CSMD1: variants seen among roughly 807,000 people sequenced by gnomAD.
CSMD1 encodes the protein CUB and sushi domain-containing protein 1.
Under a neutral mutation model 417.5 loss-of-function variants are expected in CSMD1, and 213 were observed. The observed-to-expected ratio is 0.51, with a 90% CI of 0.46 to 0.57. The LOEUF (loss-of-function observed/expected upper bound fraction) is 0.57, where lower values mean the gene tolerates loss of function less well. Ranked by LOEUF, CSMD1 falls within the 20% of genes least tolerant of loss-of-function variation. The pLI is 0.00. For synonymous variants in CSMD1, 2,862 were observed against 1,736.8 expected (o/e 1.65, Z -16.11); for missense variants, 6,923 against 4,529.7 (o/e 1.53, Z -15.17).
intron 26 of CSMD1, among the ~76,000 whole-genome samples, chr8:3,233,054 T>C (rs76158451): frequency 0.064 from 9,707 of 152,022 alleles, 417 homozygotes; most frequent in Non-Finnish European, 0.091. Context: ...TTTTCATACA[T>C]ACTTATCAAT....
In CSMD1 at chr8:3,998,129, A is replaced by G. The variant is rs923388381; in HGVS notation, c.611-19T>C. 2 of 1,545,540 alleles carry G rather than the reference A, an allele frequency of 1.3e-6. No homozygotes were observed. Among genetic ancestry groups the G allele is most frequent in the Admixed American group, 2.0e-5 (1 of 51,188 alleles). On this transcript the variant is annotated intron_variant, in intron 4 of 69. Transcript: ENST00000635120. Reference sequence around the variant, plus strand: ...CCCTCAGCTGCAGGGGCAAAAGCAGAAAGAAAGCATCACATTTCAGGATGG... The same window carrying G: ...CCCTCAGCTGCAGGGGCAAAAGCAGGAAGAAAGCATCACATTTCAGGATGG...
At position 3,741,592 on chromosome 8, in the gene CSMD1, A is replaced by G. The variant is rs560169067; in HGVS notation, c.931+12338T>C. 7.2e-5 allele frequency among the ~76,000 whole-genome samples: 11 copies of G among 152,360 alleles called. 1 individual carries two copies. In the South Asian group the frequency reaches 2.1e-3, roughly 29 times the overall value. ...TTGACTTCAAGATTAACTGTTTGTT[A>G]GAACCTGAATTATTCAGTGCAAATA... On this transcript the variant is annotated intron_variant, in intron 6 of 69. Coordinates refer to ENST00000635120, the MANE Select transcript of CSMD1 (RefSeq NM_033225.6).
intron 26 of CSMD1, among the ~76,000 whole-genome samples, chr8:3,243,442 T>G (rs1563179045): frequency 7.4e-6 from 1 of 135,564 alleles, no homozygotes; most frequent in Admixed American, 8.1e-5. Context: ...AGACTTTGAG[T>G]AGGTAAAGGA....
intron 10 of CSMD1, among the ~76,000 whole-genome samples, chr8:3,550,150 A>T (rs989833681): frequency 1.3e-5 from 2 of 152,160 alleles, no homozygotes; most frequent in Admixed American, 1.3e-4. Context: ...TGGCCTCAAA[A>T]TCTAGGAGCC....
chr8:4,232,268 G>C (rs1275234138), intron 3 of CSMD1, among the ~76,000 whole-genome samples: 1 of 152,142 alleles, frequency 6.6e-6, no homozygotes, highest in African/African-American at 2.4e-5. Context: ...GCACGATCTT[G>C]GCTCACTGCA....
chr8:4,623,010 G>C (rs1310432622), intron 2 of CSMD1, among the ~76,000 whole-genome samples: 7 of 152,034 alleles, frequency 4.6e-5, no homozygotes, highest in African/African-American at 1.7e-4. Context: ...ACATAAATTA[G>C]ACTTTTTTAA....
intron 3 of CSMD1, among the ~76,000 whole-genome samples, chr8:4,203,232 C>G (rs1207858311): frequency 6.6e-6 from 1 of 152,152 alleles, no homozygotes; most frequent in Non-Finnish European, 1.5e-5. Context: ...AAGAAGGCCA[C>G]AAGCTCAGGA....
intron 3 of CSMD1, among the ~76,000 whole-genome samples, chr8:4,126,876 C>T (rs1164882767): frequency 2.6e-5 from 4 of 152,130 alleles, no homozygotes; most frequent in Admixed American, 6.5e-5. Flanking sequence ...AGGACCACAG[C>T]ATCTGTCTCC....
At chr8:4,370,183 A>G (rs548470202) in intron 3 of CSMD1, among the ~76,000 whole-genome samples, 22 of 152,140 alleles carry the variant, frequency 1.4e-4, no homozygotes, top group African/African-American at 5.3e-4. Context: ...AAAGAATTTC[A>G]TTTCTCCTTT....
At chr8:4,754,631 C>T (rs1184881124) in intron 1 of CSMD1, among the ~76,000 whole-genome samples, 1 of 151,496 alleles carries the variant, frequency 6.6e-6, no homozygotes, top group Non-Finnish European at 1.5e-5. Context: ...GTGGGTGGAT[C>T]ATGAGGTCAG....
intron 26 of CSMD1, among the ~76,000 whole-genome samples, chr8:3,264,864 G>GTA (rs5888956): frequency 3.0e-4 from 20 of 66,912 alleles, no homozygotes; most frequent in Admixed American, 2.9e-3. Flanking sequence ...CTGTGTGTGG[G>GTA]TGTGTGTGGC....
chr8:2,937,454 A>AAAAAAAAC lies in CSMD1; in HGVS notation c.*1130_*1131insGTTTTTTT, dbSNP rs1801564474. The AAAAAAAAC allele has an allele frequency of 1.4e-4, 10 of 69,740 alleles. No individual in the cohort carries two copies. The highest frequency in any genetic ancestry group is 1.9e-4 in the Non-Finnish European group (7 of 36,156). 4.3% of individuals were successfully genotyped at this position (69,740 alleles called of 1,614,324 possible). On this transcript the variant is annotated 3_prime_UTR_variant, in exon 70 of 70. Coordinates refer to ENST00000635120, the MANE Select transcript of CSMD1 (RefSeq NM_033225.6). ...GTAAAAGACAAAAAAAAAAAAAAACAAAAAAAAAACACTGCAAAAGGGAAG... is the reference window on the plus strand; with the variant it reads ...GTAAAAGACAAAAAAAAAAAAAAACAAAAAAAACAAAAAAAAACACTGCAAAAGGGAAG...
intron 1 of CSMD1, among the ~76,000 whole-genome samples, chr8:4,963,567 G>A (rs190010314): frequency 2.7e-4 from 41 of 152,036 alleles, no homozygotes; most frequent in Non-Finnish European, 2.9e-4. Context: ...CTTTCCTATT[G>A]GTCTTTGTGT....
chr8:3,974,573 G>A (rs1047735234), intron 5 of CSMD1, among the ~76,000 whole-genome samples: 2 of 151,926 alleles, frequency 1.3e-5, no homozygotes, highest in Admixed American at 6.6e-5. Flanking sequence ...TTCAGAACTA[G>A]TGGCAATCCT....
intron 12 of CSMD1, among the ~76,000 whole-genome samples, chr8:3,417,191 A>G (rs532048553): frequency 6.6e-6 from 1 of 152,342 alleles, no homozygotes; most frequent in South Asian, 2.1e-4. Flanking sequence ...TCTTCAAGTT[A>G]TCACAAAATA....
At chr8:4,165,984 A>C (rs746655684) in intron 3 of CSMD1, among the ~76,000 whole-genome samples, 18 of 152,176 alleles carry the variant, frequency 1.2e-4, no homozygotes, top group Admixed American at 5.9e-4. Flanking sequence ...AATTGAAACA[A>C]AGTTTGCAAT....
At chr8:4,820,581 C>A (rs753285987) in intron 1 of CSMD1, among the ~76,000 whole-genome samples, 1 of 152,052 alleles carries the variant, frequency 6.6e-6, no homozygotes, top group South Asian at 2.1e-4. Context: ...CAAAGAAATG[C>A]GTGAAAACAA....
intron 2 of CSMD1, among the ~76,000 whole-genome samples, chr8:4,559,385 A>G (rs576006206): frequency 2.3e-4 from 35 of 152,284 alleles, no homozygotes; most frequent in Middle Eastern, 6.8e-3. Flanking sequence ...AAAAATCTTC[A>G]TATACTATTT....
chr8:4,154,467 G>A (rs1288674515), intron 3 of CSMD1, among the ~76,000 whole-genome samples: 1 of 152,120 alleles, frequency 6.6e-6, no homozygotes, highest in Non-Finnish European at 1.5e-5. Flanking sequence ...GGGTATCTGT[G>A]GAAGGAGAAT....
Sources: allele counts gnomAD v4.1 joint callset (sites outside exome capture counted in the v4.1 genomes callset), GRCh38; gene constraint gnomAD v4.1.1; transcripts MANE v1.5; gene names NCBI Gene and HGNC (gene_info 2026-07-23, HGNC 2026-07-21).